RNF2: variants seen among roughly 807,000 people sequenced by gnomAD.
RNF2 encodes ring finger protein 2.
RNF2 carries 6 observed loss-of-function variants against 37.2 expected under a neutral mutation model. That is an observed-to-expected ratio of 0.16 (90% CI 0.09 to 0.32). The LOEUF (loss-of-function observed/expected upper bound fraction) is 0.32, where lower values mean the gene tolerates loss of function less well. RNF2 is among the 10% of genes least tolerant of loss of function. RNF2 has a pLI of 1.00. For missense variants in RNF2, 251 were observed against 404.0 expected (o/e 0.62, Z 3.25); for synonymous variants, 133 against 132.7 (o/e 1.00, Z -0.02).
intron 1 of RNF2, among the ~76,000 whole-genome samples, chr1:185,060,612 G>T (rs1650570451): frequency 6.6e-6 from 1 of 152,222 alleles, no homozygotes; most frequent in African/African-American, 2.4e-5. Flanking sequence ...TCAGGACTGA[G>T]AGCCTGGGTT....
intron 1 of RNF2, among the ~76,000 whole-genome samples, chr1:185,050,206 A>G (rs1468903274): frequency 2.6e-5 from 4 of 152,270 alleles, no homozygotes; most frequent in African/African-American, 9.6e-5. Flanking sequence ...TAGGAATAGA[A>G]AAATGAATCG....
At chr1:185,072,420 A>T (rs1473378284) in intron 1 of RNF2, among the ~76,000 whole-genome samples, 1 of 152,144 alleles carries the variant, frequency 6.6e-6, no homozygotes, top group African/African-American at 2.4e-5. Context: ...TAAATAAGAG[A>T]TAACTACTCT....
At chr1:185,064,204 G>T (rs1650732611) in intron 1 of RNF2, among the ~76,000 whole-genome samples, 1 of 152,124 alleles carries the variant, frequency 6.6e-6, no homozygotes, top group Non-Finnish European at 1.5e-5. Flanking sequence ...TATATAGTAA[G>T]TTATGATTAA....
Position 185,059,443 on chromosome 1 carries a change from C to T in RNF2, c.-3+13794C>T, listed in dbSNP as rs867023053. Among the ~76,000 whole-genome samples the T allele has an allele frequency of 4.6e-5, 7 of 152,240 alleles. No homozygotes were observed. The East Asian group carries it at 1.3e-3, about 29-fold the overall frequency. Reference sequence around the variant, plus strand: ...GGAAAAAAGTACCGAGTCCATATCACCTTCTAGAACATAACTTTTACGTAG... The same window carrying T: ...GGAAAAAAGTACCGAGTCCATATCATCTTCTAGAACATAACTTTTACGTAG... On this transcript the variant is annotated intron_variant, in intron 1 of 6. Coordinates refer to ENST00000367510, the MANE Select transcript of RNF2 (RefSeq NM_007212.4).
intron 4 of RNF2, 87 bp from the exon 5 acceptor site, chr1:185,097,985 T>TA: frequency 6.9e-7 from 1 of 1,454,532 alleles, no homozygotes; most frequent in Non-Finnish European, 9.3e-7. Flanking sequence ...TTTGGAATTC[T>TA]AAAGTTCAGT....
chr1:185,048,040 G>T (rs12059402), intron 1 of RNF2, among the ~76,000 whole-genome samples: 1,870 of 152,222 alleles, frequency 0.012, 38 homozygotes, highest in African/African-American at 0.042. Flanking sequence ...TATCCTGACT[G>T]TTTGCCTACT....
chr1:185,071,895 C>G (rs75450270), intron 1 of RNF2: 2,046 of 152,470 alleles, frequency 0.013, 35 homozygotes, highest in African/African-American at 0.046. Context: ...TTGTGCAGCT[C>G]TGTCACTTTC....
chr1:185,074,627 A>T lies in RNF2; in HGVS notation c.-2-12925A>T, dbSNP rs527279250. 3.3e-5 allele frequency among the ~76,000 whole-genome samples: 5 copies of T among 152,272 alleles called. 1 individual carries two copies. Among genetic ancestry groups the T allele is most frequent in the African/African-American group, 1.2e-4 (5 of 41,564 alleles). ...ACAAAGAAAAAAAAAGACCAGATAC[A>T]GTCTGCCTTCCTGTATCAGTGGTTT... is the stretch of plus-strand genomic sequence containing the variant. On this transcript the variant is annotated intron_variant, in intron 1 of 6. Transcript: ENST00000367510.
Position 185,075,193 on chromosome 1 carries a change from C to T in RNF2, c.-2-12359C>T, listed in dbSNP as rs1461591044. The stretch of plus-strand genomic sequence containing the variant: ...ATTTTTAGTAGAGACGGGTTTTCGC[C>T]GTGTTGGCCAGGCTGGTTTCGAACT... On this transcript the variant is annotated intron_variant, in intron 1 of 6. Transcript: ENST00000367510. 3.3e-5 allele frequency among the ~76,000 whole-genome samples: 5 copies of T among 152,088 alleles called. 1 individual carries two copies. The highest frequency in any genetic ancestry group is 4.2e-4 in the South Asian group (2 of 4,812).
intron 1 of RNF2, among the ~76,000 whole-genome samples, chr1:185,050,132 T>C (rs570152875): frequency 2.0e-5 from 3 of 152,208 alleles, no homozygotes; most frequent in Non-Finnish European, 4.4e-5. Flanking sequence ...AATAGGGAAT[T>C]CTGTGTTAAC....
At chr1:185,051,468 G>A (rs1268795008) in intron 1 of RNF2, among the ~76,000 whole-genome samples, 1 of 152,164 alleles carries the variant, frequency 6.6e-6, no homozygotes, top group African/African-American at 2.4e-5. Flanking sequence ...GATATAAGAA[G>A]TAATGTACGT....
intron 1 of RNF2, 133 bp from the exon 2 acceptor site, chr1:185,087,419 A>G (rs1557972067): frequency 2.9e-6 from 2 of 696,560 alleles, no homozygotes; most frequent in Non-Finnish European, 5.0e-6. Context: ...TCACCTCCCA[A>G]AGTCCCCACC....
chr1:185,067,170 T>C (rs1650820669), intron 1 of RNF2, among the ~76,000 whole-genome samples: 1 of 152,096 alleles, frequency 6.6e-6, no homozygotes. Flanking sequence ...CTACCAAGAG[T>C]AATTTAGATG....
chr1:185,061,914 C>A (rs1327935491), intron 1 of RNF2, among the ~76,000 whole-genome samples: 1 of 152,198 alleles, frequency 6.6e-6, no homozygotes, highest in Non-Finnish European at 1.5e-5. Flanking sequence ...ACTGGACCCT[C>A]AGCTATAAGT....
intron 2 of RNF2, among the ~76,000 whole-genome samples, chr1:185,089,991 G>C (rs539072292): frequency 3.6e-4 from 55 of 152,120 alleles, no homozygotes; most frequent in African/African-American, 1.3e-3. Context: ...GCGTGATCGC[G>C]GCTCACTGCA....
intron 3 of RNF2, 146 bp downstream of exon 3, chr1:185,091,885 G>A: frequency 1.4e-6 from 1 of 693,364 alleles, no homozygotes; most frequent in South Asian, 2.2e-5. Flanking sequence ...GCACGATCTT[G>A]GCTCACTGCA....
chr1:185,100,475 T>C lies in RNF2; in HGVS notation c.*174T>C, dbSNP rs1338398563. The C allele has an allele frequency of 2.4e-6, 1 of 415,418 alleles. No individual in the cohort carries two copies. The highest frequency in any genetic ancestry group is 4.4e-6 in the Non-Finnish European group (1 of 229,852). The allele number at this position is 415,418 out of a possible 1,614,324, so 25.7% of individuals were successfully genotyped here. A position where few individuals can be genotyped will look rare whatever the true frequency, so the allele number is the denominator to read the frequency against. ...TTCCCCTTTATTTAAGATTTCCTTT[T>C]TGGAAGGGACTGCAATTATTCAGTA... On this transcript the variant is annotated 3_prime_UTR_variant, in exon 7 of 7. Coordinates refer to ENST00000367510, the MANE Select transcript of RNF2 (RefSeq NM_007212.4).
At chr1:185,077,584 C>T (rs144922433) in intron 1 of RNF2, among the ~76,000 whole-genome samples, 28 of 146,344 alleles carry the variant, frequency 1.9e-4, no homozygotes, top group Middle Eastern at 3.5e-3. Flanking sequence ...ATCTCATATC[C>T]GTACATATGT....
chr1:185,085,193 G>GGC (rs1052355196), intron 1 of RNF2, among the ~76,000 whole-genome samples: 1 of 125,422 alleles, frequency 8.0e-6, no homozygotes, highest in Non-Finnish European at 1.6e-5. Context: ...CTGTCACCCA[G>GGC]GCTGGAGTGC....
Sources: gnomAD v4.1 joint callset for allele counts (sites outside exome capture counted in the v4.1 genomes callset) on GRCh38, gnomAD v4.1.1 for gene constraint, MANE v1.5 for transcripts, NCBI Gene and HGNC (gene_info 2026-07-23, HGNC 2026-07-21) for gene names.